The following TCEA1 variants were observed in gnomAD, a reference collection of about 807,000 sequenced individuals.
TCEA1 encodes the protein transcription elongation factor A protein 1.
TCEA1 carries 21 observed loss-of-function variants against 43.8 expected under a neutral mutation model. The observed-to-expected ratio is 0.48, with a 90% CI of 0.34 to 0.69. The LOEUF is 0.69. Ranked by LOEUF, TCEA1 falls within the 30% of genes least tolerant of loss-of-function variation. TCEA1 has a pLI of 0.01. For missense variants in TCEA1, 250 were observed against 365.1 expected, an observed-to-expected ratio of 0.68 and a Z score of 2.57; for synonymous variants, 104 against 117.5, an observed-to-expected ratio of 0.88 and a Z score of 0.75.
chr8:53,976,539 T>TA (rs1393229419), intron 8 of TCEA1, among the ~76,000 whole-genome samples: 9 of 152,306 alleles, frequency 5.9e-5, no homozygotes, highest in African/African-American at 2.2e-4. Context: ...TTTGTGATTC[T>TA]AAGAAAATCA....
At chr8:54,021,974 A>G (rs1016337035) in intron 1 of TCEA1, 89 bp downstream of exon 1, 6 of 1,139,428 alleles carry the variant, frequency 5.3e-6, no homozygotes, top group Non-Finnish European at 4.5e-6. Flanking sequence ...CTGCAGGGGG[A>G]GGGGAGGGAG....
At chr8:53,988,032 T>C in intron 5 of TCEA1, 82 bp downstream of exon 5, 2 of 1,520,148 alleles carry the variant, frequency 1.3e-6, no homozygotes, top group Non-Finnish European at 1.8e-6. Flanking sequence ...GTAACACTCA[T>C]CAAACAGCAA....
intron 8 of TCEA1, among the ~76,000 whole-genome samples, chr8:53,977,449 A>G (rs1803367964): frequency 6.6e-6 from 1 of 152,200 alleles, no homozygotes; most frequent in Non-Finnish European, 1.5e-5. Flanking sequence ...TGGGAATGGA[A>G]TTTCCTACTC....
At position 54,001,093 on chromosome 8, in the gene TCEA1, G is replaced by A. The variant is rs114305276; in HGVS notation, c.127-1043C>T. On this transcript the variant is annotated intron_variant, in intron 2 of 9. Coordinates refer to ENST00000521604, the MANE Select transcript of TCEA1 (RefSeq NM_006756.4). ...TTTTAATCCAGGTTTGTTCACTGCC[G>A]AAGTCCATGGTCTTTGTAGCACATT... is the stretch of plus-strand genomic sequence containing the variant. Among the ~76,000 whole-genome samples, 657 of 152,220 alleles carry A rather than the reference G, an allele frequency of 4.3e-3. 4 individuals are homozygous for A. The highest frequency in any genetic ancestry group is 0.014 in the African/African-American group (600 of 41,542).
At chr8:53,974,390 T>C (rs1803261526) in intron 8 of TCEA1, among the ~76,000 whole-genome samples, 3 of 152,104 alleles carry the variant, frequency 2.0e-5, no homozygotes, top group Admixed American at 1.3e-4. Flanking sequence ...CAAATTTGTA[T>C]TGTATATTCC....
At chr8:53,994,336 C>T (rs1051534774) in intron 3 of TCEA1, among the ~76,000 whole-genome samples, 20 of 152,224 alleles carry the variant, frequency 1.3e-4, no homozygotes, top group Admixed American at 8.5e-4. Flanking sequence ...TAGAGCCAGA[C>T]CTTTTCTCAA....
intron 1 of TCEA1, chr8:54,021,805 C>T (rs552581643): frequency 2.8e-6 from 1 of 356,486 alleles, no homozygotes; most frequent in Admixed American, 4.8e-5. Flanking sequence ...TGCCCTAATC[C>T]CTAAATCGAT....
At chr8:53,998,844 GA>G (rs1029315155) in intron 3 of TCEA1, among the ~76,000 whole-genome samples, 2 of 152,094 alleles carry the variant, frequency 1.3e-5, no homozygotes, top group Admixed American at 1.3e-4. Flanking sequence ...GCCTTGGGGG[GA>G]AAACAAAGGA....
intron 1 of TCEA1, among the ~76,000 whole-genome samples, chr8:54,018,186 T>C (rs1804899556): frequency 6.6e-6 from 1 of 152,220 alleles, no homozygotes; most frequent in African/African-American, 2.4e-5. Context: ...ATTTCAGGTA[T>C]CCCAGCTCCT....
At chr8:54,019,300 T>C (rs1470333632) in intron 1 of TCEA1, among the ~76,000 whole-genome samples, 3 of 152,192 alleles carry the variant, frequency 2.0e-5, no homozygotes, top group Non-Finnish European at 2.9e-5. Flanking sequence ...CTGGGCGCAG[T>C]GGCTCACATC....
intron 3 of TCEA1, among the ~76,000 whole-genome samples, chr8:53,995,862 C>G (rs1221439512): frequency 6.6e-6 from 1 of 152,192 alleles, no homozygotes; most frequent in Non-Finnish European, 1.5e-5. Flanking sequence ...TGAAGTTTGT[C>G]AAACCTAAAA....
rs772697256 is a variant in TCEA1 at position 54,010,382 on chromosome 8, T to G, written c.126+48A>C. ...TTGGTACTGAAGATGTTTTGGTATT[T>G]TATGACGACTACCTATTAAAAAAAC... On this transcript the variant is annotated intron_variant, in intron 2 of 9. Transcript: ENST00000521604. 11 of 1,425,700 alleles carry G rather than the reference T, an allele frequency of 7.7e-6. No homozygotes were observed. In the South Asian group the frequency reaches 1.4e-4, roughly 18 times the overall value. 88.3% of individuals were successfully genotyped at this position (1,425,700 alleles called of 1,614,324 possible). A position where few individuals can be genotyped will look rare whatever the true frequency, so the allele number is the denominator to read the frequency against.
Position 54,022,400 on chromosome 8 carries a change from G to A in TCEA1, c.-275C>T, listed in dbSNP as rs945808682. ...GATCGCTGGTGAGGGGCGAGCCCAT[G>A]TTCCCGCCAGGCGGGCGTCGGGCTA... On this transcript the variant is annotated 5_prime_UTR_variant, in exon 1 of 10. Transcript: ENST00000521604. 3.8e-5 allele frequency: 19 copies of A among 498,360 alleles called. No homozygotes were observed. The highest frequency in any genetic ancestry group is 6.0e-5 in the Non-Finnish European group (17 of 282,574). The allele number at this position is 498,360 out of a possible 1,614,324, so 30.9% of individuals were successfully genotyped here.
In TCEA1 at chr8:53,972,660, G is replaced by GGT; in HGVS notation, c.826-2198_826-2197insAC. ...GAGGGTGAAGGAAGAGCAAGTTTGA[G>GGT]GATCAGTAGAGCTATTAAGTGTTCC... On this transcript the variant is annotated intron_variant, in intron 8 of 9. Transcript: ENST00000521604. 3 of 621,114 alleles carry GGT rather than the reference G, an allele frequency of 4.8e-6. No homozygotes were observed. The East Asian group carries it at 1.0e-4, about 21-fold the overall frequency. 38.5% of individuals were successfully genotyped at this position (621,114 alleles called of 1,614,324 possible).
At chr8:53,994,237 C>T (rs1181200032) in intron 3 of TCEA1, among the ~76,000 whole-genome samples, 3 of 151,954 alleles carry the variant, frequency 2.0e-5, no homozygotes, top group Non-Finnish European at 4.4e-5. Flanking sequence ...CTCAGCTACT[C>T]GGGAGGCTGA....
At chr8:54,012,137 C>CA (rs1804671027) in intron 1 of TCEA1, among the ~76,000 whole-genome samples, 1 of 152,118 alleles carries the variant, frequency 6.6e-6, no homozygotes, top group South Asian at 2.1e-4. Context: ...ATTTCCAGAC[C>CA]AAAAACCTTT....
chr8:53,977,814 CAATATTACA>C (rs1441965021), intron 8 of TCEA1, among the ~76,000 whole-genome samples: 2 of 152,020 alleles, frequency 1.3e-5, no homozygotes, highest in Non-Finnish European at 2.9e-5. Context: ...TGTAAGTTAT[CAATATTACA>C]AAAAGGAACA....
chr8:54,021,830 G>C (rs1455020784), intron 1 of TCEA1: 9 of 385,484 alleles, frequency 2.3e-5, no homozygotes, highest in Non-Finnish European at 4.1e-5. Context: ...TTTATTACAC[G>C]GCACCAGCGA....
chr8:54,003,373 A>G (rs1804333825), intron 2 of TCEA1, among the ~76,000 whole-genome samples: 1 of 152,210 alleles, frequency 6.6e-6, no homozygotes, highest in Non-Finnish European at 1.5e-5. Flanking sequence ...CGTACCCTAA[A>G]GTCCATACAG....
Sources: gnomAD v4.1 joint callset for allele counts (sites outside exome capture counted in the v4.1 genomes callset) on GRCh38, gnomAD v4.1.1 for gene constraint, MANE v1.5 for transcripts, NCBI Gene and HGNC (gene_info 2026-07-23, HGNC 2026-07-21) for gene names.